The following TTLL3 variants were observed in gnomAD, a reference collection of about 807,000 sequenced individuals.
TTLL3 encodes tubulin tyrosine ligase like 3, also known as tubulin monoglycylase TTLL3.
In TTLL3, 63 loss-of-function variants were observed where a neutral mutation model predicts 75.2. The ratio of observed to expected loss-of-function variants is 0.84; its 90% confidence interval spans 0.68 to 1.03. The LOEUF (loss-of-function observed/expected upper bound fraction) is 1.03. Ranked by LOEUF, TTLL3 falls within the 50% of genes least tolerant of loss-of-function variation. The probability of loss-of-function intolerance (pLI) is 0.00; values close to 1 mark genes in which losing one functional copy is unlikely to be tolerated. For missense variants in TTLL3, 997 were observed against 1,069.9 expected (o/e 0.93, Z 0.95); for synonymous variants, 393 against 418.5 (o/e 0.94, Z 0.74).
At chr3:9,812,901 AT>A in intron 2 of TTLL3, 41 bp from the exon 3 acceptor site, 1 of 1,469,720 alleles carries the variant, frequency 6.8e-7, no homozygotes, top group Non-Finnish European at 9.0e-7. Context: ...TCTGGCACTT[AT>A]GCAATACTTA....
chr3:9,824,694 C>T (rs143031523), intron 8 of TTLL3, among the ~76,000 whole-genome samples: 70 of 151,918 alleles, frequency 4.6e-4, no homozygotes, highest in Non-Finnish European at 9.3e-4. Context: ...CAAGCGTGAG[C>T]CACTATGCCC....
chr3:9,831,156 T>C (rs1009949291), intron 11 of TTLL3, among the ~76,000 whole-genome samples: 2 of 146,632 alleles, frequency 1.4e-5, no homozygotes. Context: ...GGCCAGCACA[T>C]AGTAAAGGCT....
intron 8 of TTLL3, among the ~76,000 whole-genome samples, chr3:9,824,120 G>C (rs1184810918): frequency 6.6e-6 from 1 of 152,232 alleles, no homozygotes; most frequent in East Asian, 1.9e-4. Context: ...TGCTCTTACG[G>C]AGTTTACATT....
Position 9,816,152 on chromosome 3 carries a change from A to T in TTLL3, c.394A>T (p.Lys132Ter). The T allele has an allele frequency of 1.5e-6, 2 of 1,354,042 alleles. No homozygotes were observed. The highest frequency in any genetic ancestry group is 2.0e-6 in the Non-Finnish European group (2 of 1,015,932). The allele number at this position is 1,354,042 out of a possible 1,614,324, so 83.9% of individuals were successfully genotyped here. A position where few individuals can be genotyped will look rare whatever the true frequency, so the allele number is the denominator to read the frequency against. Residue 132 changes from lysine to a stop codon, truncating the protein, a stop_gained, in exon 5 of 14, where the codon AAG (lysine) becomes TAG (stop). Transcript: ENST00000685419. LOFTEE classifies it high-confidence loss of function. ...RDVLDCRFLS[K>*]DQMINHYARA... ...TGTGCTCGACTGTCGCTTCCTCTCC[A>T]AGGATCAGATGATAAACCACTACGC...
Position 9,829,236 on chromosome 3 carries a change from C to T in TTLL3, c.1524C>T (p.Pro508=). Residue 508 remains proline, a synonymous_variant, in exon 11 of 14, where the codon CCC becomes CCT. Coordinates refer to ENST00000685419, the MANE Select transcript of TTLL3 (RefSeq NM_001387446.1). The part of the protein sequence containing the change: ...ADFVFGEDFQ[P]WLIEINASPT... ...TCGTGTTCGGGGAGGACTTCCAGCC[C>T]TGGCTGATTGAGATCAACGCCAGCC... 1 of 1,614,238 alleles carries T rather than the reference C, an allele frequency of 6.2e-7. No individual in the cohort carries two copies. Among genetic ancestry groups the T allele is most frequent in the Admixed American group, 1.7e-5 (1 of 60,028 alleles).
intron 11 of TTLL3, among the ~76,000 whole-genome samples, chr3:9,831,862 T>C (rs543749273): frequency 3.2e-4 from 47 of 148,338 alleles, no homozygotes; most frequent in Non-Finnish European, 6.1e-4. Flanking sequence ...GCAGTGGTGC[T>C]AGCTCGGCTC....
chr3:9,824,366 C>T (rs920421938), intron 8 of TTLL3, among the ~76,000 whole-genome samples: 3 of 152,224 alleles, frequency 2.0e-5, no homozygotes, highest in African/African-American at 7.2e-5. Context: ...ACTCAACTTT[C>T]AGTGTATGGC....
Position 9,810,752 on chromosome 3 carries a change from G to A in TTLL3, c.48+43G>A, listed in dbSNP as rs921732483. ...GGCGCTTAGAAAGGGCCCTGGGAGC[G>A]GCTCAGCCTGTCTCCCTGCGCTGTT... is the stretch of plus-strand genomic sequence containing the variant. On this transcript the variant is annotated intron_variant, in intron 2 of 13. Transcript: ENST00000685419. The surrounding 1 kb of genome is among the most constrained non-coding windows in gnomAD (Gnocchi z 4.4). 1.3e-6 allele frequency: 2 copies of A among 1,527,070 alleles called. No homozygotes were observed. The highest frequency in any genetic ancestry group is 1.8e-6 in the Non-Finnish European group (2 of 1,128,004). 94.6% of individuals were successfully genotyped at this position (1,527,070 alleles called of 1,614,324 possible).
chr3:9,814,293 G>A (rs1231345833), intron 4 of TTLL3, among the ~76,000 whole-genome samples: 1 of 151,922 alleles, frequency 6.6e-6, no homozygotes, highest in Non-Finnish European at 1.5e-5. Context: ...CTGAGATCAC[G>A]CCACTGCACC....
chr3:9,828,773 G>C (rs1208799974), intron 10 of TTLL3, 187 bp from the exon 11 acceptor site: 1 of 730,866 alleles, frequency 1.4e-6, no homozygotes, highest in East Asian at 2.7e-5. Flanking sequence ...GATAAGAGTG[G>C]TTCTGGCCCT....
chr3:9,825,822 C>T lies in TTLL3; in HGVS notation c.877C>T (p.Leu293Phe), dbSNP rs758470714. ...CAGCGAAGGGGCAGAACTCAGGCAC[C>T]TCGACACTCAGGTCCAGCGCTGTGA... is the stretch of plus-strand genomic sequence containing the variant. ...VVHEGAELRH[L>F]DTQVQRCEDI... Residue 293 changes from leucine (L) to phenylalanine (F), a missense_variant, in exon 9 of 14, where the codon CTC (leucine) becomes TTC (phenylalanine). Coordinates refer to ENST00000685419, the MANE Select transcript of TTLL3 (RefSeq NM_001387446.1). The T allele has an allele frequency of 6.2e-7, 1 of 1,614,138 alleles. No homozygotes were observed. Among genetic ancestry groups the T allele is most frequent in the Non-Finnish European group, 8.5e-7 (1 of 1,180,016 alleles).
At chr3:9,810,061 C>T (rs1383795252), upstream of TTLL3, 4 of 1,340,942 alleles carry the variant, frequency 3.0e-6, no homozygotes, top group Non-Finnish European at 3.8e-6. This position sits in a 1 kb window ranked among gnomAD's most constrained non-coding sequence, Gnocchi z 4.4. Flanking sequence ...GGGGCCCGGG[C>T]GCCGGGGCTC....
chr3:9,809,739 C>A (rs376399359), upstream of TTLL3: 2 of 334,074 alleles, frequency 6.0e-6, no homozygotes, highest in South Asian at 1.5e-4. Context: ...CTTCCGCCTT[C>A]AGTGCCCTGC....
At position 9,835,311 on chromosome 3, in the gene TTLL3, G is replaced by T; in HGVS notation, c.2270G>T (p.Gly757Val). 6.2e-7 allele frequency: 1 copy of T among 1,614,208 alleles called. No individual in the cohort carries two copies. The highest frequency in any genetic ancestry group is 8.5e-7 in the Non-Finnish European group (1 of 1,180,034). ...PLVGTFQRRR[G>V]LGDMKLGKPL... is the part of the protein sequence containing the mutation. The stretch of plus-strand genomic sequence containing the variant: ...GTTGGTACATTCCAGAGGCGCAGGG[G>T]CCTGGGGGATATGAAGCTAGGGAAG... The change falls in exon 14 of 14, where the codon GGC becomes GTC. Residue 757 changes from glycine (G) to valine (V), a missense_variant. Physicochemically the swap from Gly to Val is moderately radical, Grantham distance 109 (BLOSUM62 -3). Coordinates refer to ENST00000685419, the MANE Select transcript of TTLL3 (RefSeq NM_001387446.1).
At position 9,810,530 on chromosome 3, in the gene TTLL3, G is replaced by C; in HGVS notation, c.-41-91G>C. 6.8e-7 allele frequency: 1 copy of C among 1,477,542 alleles called. No individual in the cohort carries two copies. Among genetic ancestry groups the C allele is most frequent in the Non-Finnish European group, 9.0e-7 (1 of 1,110,934 alleles). The allele number at this position is 1,477,542 out of a possible 1,614,324, so 91.5% of individuals were successfully genotyped here. On this transcript the variant is annotated intron_variant, in intron 1 of 13. Transcript: ENST00000685419. This position sits in a 1 kb window ranked among gnomAD's most constrained non-coding sequence, Gnocchi z 4.4. Reference sequence around the variant, plus strand: ...GGATGAAGGCAGGAGGAAGAAAAGAGGCGTGGCTATGGGCGGCCAGAAAAG... The same window carrying C: ...GGATGAAGGCAGGAGGAAGAAAAGACGCGTGGCTATGGGCGGCCAGAAAAG...
At chr3:9,814,018 C>T (rs958856962) in intron 4 of TTLL3, among the ~76,000 whole-genome samples, 5 of 152,192 alleles carry the variant, frequency 3.3e-5, no homozygotes, top group South Asian at 2.1e-4. Context: ...CTGGAAGAGA[C>T]GGAGCGGGGT....
rs561866853 is a variant in TTLL3, at chr3:9,835,558, A to G, written c.*69A>G. 3.0e-5 allele frequency: 43 copies of G among 1,433,658 alleles called. No individual in the cohort carries two copies. The highest frequency in any genetic ancestry group is 6.8e-5 in the Admixed American group (3 of 43,928). The allele number at this position is 1,433,658 out of a possible 1,614,324, so 88.8% of individuals were successfully genotyped here. A position where few individuals can be genotyped will look rare whatever the true frequency, so the allele number is the denominator to read the frequency against. On this transcript the variant is annotated 3_prime_UTR_variant, in exon 14 of 14. Coordinates refer to ENST00000685419, the MANE Select transcript of TTLL3 (RefSeq NM_001387446.1). ...CCTAAGGACAGACATGGGGCTTCCT[A>G]TTTAGGGACTCCCCCAGCATCTCCG...
At chr3:9,829,502 A>G in intron 11 of TTLL3, 107 bp downstream of exon 11, 1 of 1,401,750 alleles carries the variant, frequency 7.1e-7, no homozygotes, top group Non-Finnish European at 9.4e-7. Context: ...TAAGACCCAG[A>G]TTCAAGTCCT....
In TTLL3 at chr3:9,813,005, G is replaced by A. The variant is rs769252297; in HGVS notation, c.111G>A (p.Arg37=). ...YPVIRCLLRR[R]GWVEKKMVHR... ...TGATCCGGTGTCTCTTGCGCCGGAG[G>A]GGCTGGGTGGAGAAGAAGATGGTCC... The change falls in exon 3 of 14, where the codon AGG becomes AGA. Residue 37 remains arginine (R), a synonymous_variant. Coordinates refer to ENST00000685419, the MANE Select transcript of TTLL3 (RefSeq NM_001387446.1). 12 of 1,572,224 alleles carry A rather than the reference G, an allele frequency of 7.6e-6. No individual in the cohort carries two copies. The highest frequency in any genetic ancestry group is 1.0e-5 in the Non-Finnish European group (12 of 1,157,404).
Sources: allele counts gnomAD v4.1 joint callset (sites outside exome capture counted in the v4.1 genomes callset), GRCh38; gene constraint gnomAD v4.1.1; non-coding constraint Gnocchi (gnomAD v3.1); transcripts MANE v1.5; gene names NCBI Gene and HGNC (gene_info 2026-07-23, HGNC 2026-07-21).